The following ATP2B2 variants were observed in gnomAD, a reference collection of about 807,000 sequenced individuals.
ATP2B2 encodes plasma membrane calcium-transporting ATPase 2.
Under a neutral mutation model 120.0 loss-of-function variants are expected in ATP2B2, and 15 were observed. The observed-to-expected ratio is 0.12, with a 90% CI of 0.08 to 0.19. The LOEUF (loss-of-function observed/expected upper bound fraction) is 0.19, where lower values mean the gene tolerates loss of function less well. Among genes scored for constraint, ATP2B2 ranks in the 10% least tolerant of loss-of-function variants. The pLI is 1.00. For missense variants in ATP2B2, 1,045 were observed against 1,719.8 expected, an observed-to-expected ratio of 0.61 and a Z score of 6.94; for synonymous variants, 694 against 700.3, an observed-to-expected ratio of 0.99 and a Z score of 0.14.
chr3:10,498,446 G>A (rs1340547708), intron 1 of ATP2B2, among the ~76,000 whole-genome samples: 2 of 152,254 alleles, frequency 1.3e-5, no homozygotes, highest in Non-Finnish European at 2.9e-5. Flanking sequence ...GCCTCACTCA[G>A]CGTGGATGCC....
Position 10,496,800 on chromosome 3 carries a change from A to C in ATP2B2, c.-320+8665T>G, listed in dbSNP as rs1334914006. ...GGCTTGTTTCAAAGATGGGAAACTG[A>C]TGCTCAGAAAGAGACTGTGACTTGT... is the stretch of plus-strand genomic sequence containing the variant. On this transcript the variant is annotated intron_variant, in intron 1 of 22. Transcript: ENST00000360273. 2.6e-5 allele frequency among the ~76,000 whole-genome samples: 4 copies of C among 152,296 alleles called. No homozygotes were observed. The East Asian group carries it at 7.7e-4, about 29-fold the overall frequency.
chr3:10,679,741 C>G (rs533117029), intron 1 of ATP2B2, among the ~76,000 whole-genome samples: 1 of 152,276 alleles, frequency 6.6e-6, no homozygotes, highest in Non-Finnish European at 1.5e-5. Flanking sequence ...TGTGAATATG[C>G]ACTCAAACAA....
intron 12 of ATP2B2, 37 bp from the exon 13 acceptor site, chr3:10,360,160 G>A (rs747869361): frequency 6.5e-7 from 1 of 1,549,478 alleles, no homozygotes; most frequent in South Asian, 1.2e-5. Flanking sequence ...CACCTGGTGG[G>A]GCCTGTGTCG....
chr3:10,340,394 C>T lies in ATP2B2; in HGVS notation c.3130-45G>A. The T allele has an allele frequency of 1.9e-6, 3 of 1,610,430 alleles. No individual in the cohort carries two copies. The highest frequency in any genetic ancestry group is 2.5e-6 in the Non-Finnish European group (3 of 1,176,720). ...AGAGAAAGAGAGAGAGAGAGGCCAT[C>T]AGGGACCAGCACAGAGGGCTGGGCT... On this transcript the variant is annotated intron_variant, in intron 20 of 22. Coordinates refer to ENST00000360273, the MANE Select transcript of ATP2B2 (RefSeq NM_001001331.4). The surrounding 1 kb of genome is among the most constrained non-coding windows in gnomAD (Gnocchi z 5.0).
At chr3:10,554,874 G>A (rs990525493) in intron 2 of ATP2B2, among the ~76,000 whole-genome samples, 1 of 152,198 alleles carries the variant, frequency 6.6e-6, no homozygotes, top group African/African-American at 2.4e-5. Flanking sequence ...AGGCACCTCT[G>A]GGTGTGGGTC....
intron 1 of ATP2B2, among the ~76,000 whole-genome samples, chr3:10,698,165 C>T (rs929407621): frequency 5.9e-5 from 9 of 152,300 alleles, no homozygotes; most frequent in African/African-American, 2.2e-4. Flanking sequence ...GGCATGGCCA[C>T]GTGACCCAAT....
At chr3:10,579,967 G>T (rs1328746211) in intron 2 of ATP2B2, among the ~76,000 whole-genome samples, 3 of 152,196 alleles carry the variant, frequency 2.0e-5, no homozygotes, top group African/African-American at 7.2e-5. Flanking sequence ...GCAGGTGGAA[G>T]TTCTGAGCAC....
intron 1 of ATP2B2, among the ~76,000 whole-genome samples, chr3:10,481,338 C>T (rs555680338): frequency 1.3e-5 from 2 of 151,862 alleles, no homozygotes; most frequent in African/African-American, 4.8e-5. Context: ...CTGCGGCACA[C>T]CAGCATACTC....
rs114975938 is a variant in ATP2B2, at chr3:10,391,528, T to C, written c.782-3126A>G. Among the ~76,000 whole-genome samples, 978 of 152,098 alleles carry C rather than the reference T, an allele frequency of 6.4e-3. 15 individuals carry two copies. The highest frequency in any genetic ancestry group is 0.022 in the African/African-American group (897 of 41,494). ...CCAAATCACCTTCTAATCTAATCAC[T>C]CCCATCGCAGCAGGGAGCTGGCAGC... is the stretch of plus-strand genomic sequence containing the variant. On this transcript the variant is annotated intron_variant, in intron 5 of 22. Transcript: ENST00000360273.
chr3:10,456,139 T>A (rs929870153), intron 1 of ATP2B2, among the ~76,000 whole-genome samples: 1 of 152,140 alleles, frequency 6.6e-6, no homozygotes, highest in Non-Finnish European at 1.5e-5. Flanking sequence ...AAGGAATCTA[T>A]CTTTCGAAGG....
At chr3:10,536,810 G>C (rs2067327640) in intron 2 of ATP2B2, among the ~76,000 whole-genome samples, 2 of 152,294 alleles carry the variant, frequency 1.3e-5, no homozygotes, top group African/African-American at 4.8e-5. Context: ...TTACAGGCCT[G>C]AGCCACCACA....
At chr3:10,486,585 C>G (rs1403790021) in intron 1 of ATP2B2, among the ~76,000 whole-genome samples, 1 of 152,132 alleles carries the variant, frequency 6.6e-6, no homozygotes. Context: ...TGGGACTGCT[C>G]TTCCCCAGAT....
Position 10,342,767 on chromosome 3 carries a change from T to C in ATP2B2, c.2902A>G (p.Thr968Ala). 1 of 1,613,602 alleles carries C rather than the reference T, an allele frequency of 6.2e-7. No individual in the cohort carries two copies. Among genetic ancestry groups the C allele is most frequent in the Non-Finnish European group, 8.5e-7 (1 of 1,179,910 alleles). The stretch of plus-strand genomic sequence containing the variant: ...AGGCGCTCACCAACAAAGAGCAGGG[T>C]GAAGATGAGGGCAAGCTGGTAGACA... The part of the protein sequence containing the change: ...HAVYQLALIF[T>A]LLFVGEKMFQ... The change falls in exon 19 of 23, where the codon ACC becomes GCC. Residue 968 changes from threonine (T) to alanine (A), a missense_variant. Coordinates refer to ENST00000360273, the MANE Select transcript of ATP2B2 (RefSeq NM_001001331.4). This position sits in a 1 kb window ranked among gnomAD's most constrained non-coding sequence, Gnocchi z 4.4.
chr3:10,625,261 A>G (rs992627084), intron 1 of ATP2B2, among the ~76,000 whole-genome samples: 12 of 152,050 alleles, frequency 7.9e-5, no homozygotes, highest in African/African-American at 2.9e-4. Flanking sequence ...TCCTGATTAT[A>G]CTTGATAGTG....
intron 3 of ATP2B2, among the ~76,000 whole-genome samples, chr3:10,512,464 G>GCGTGCGCACACA: frequency 7.3e-6 from 1 of 136,926 alleles, no homozygotes; most frequent in African/African-American, 2.9e-5. Flanking sequence ...AAGTGTGTGC[G>GCGTGCGCACACA]CACACACACA....
intron 14 of ATP2B2, among the ~76,000 whole-genome samples, chr3:10,356,964 T>TGAGAGAGAGAGAGA (rs4040764): frequency 2.1e-5 from 3 of 144,458 alleles, no homozygotes; most frequent in Admixed American, 6.9e-5. Context: ...TGTGTGTGTA[T>TGAGAGAGAGAGAGA]GAGAGAGAGA....
intron 1 of ATP2B2, among the ~76,000 whole-genome samples, chr3:10,653,670 C>T (rs1039590525): frequency 6.6e-6 from 1 of 152,194 alleles, no homozygotes; most frequent in Non-Finnish European, 1.5e-5. Flanking sequence ...ATACTGAGCT[C>T]CCATGATTAC....
At chr3:10,639,998 T>C (rs1325303190) in intron 1 of ATP2B2, among the ~76,000 whole-genome samples, 3 of 152,154 alleles carry the variant, frequency 2.0e-5, no homozygotes, top group Non-Finnish European at 4.4e-5. Context: ...TCTTGGGTAC[T>C]ATTGGTGTTT....
At chr3:10,420,274 G>C (rs1489732284) in intron 2 of ATP2B2, among the ~76,000 whole-genome samples, 2 of 152,236 alleles carry the variant, frequency 1.3e-5, no homozygotes, top group Non-Finnish European at 2.9e-5. Context: ...AAATGGGACA[G>C]CGGATCTAGG....
Sources: allele counts gnomAD v4.1 joint callset (sites outside exome capture counted in the v4.1 genomes callset), GRCh38; gene constraint gnomAD v4.1.1; non-coding constraint Gnocchi (gnomAD v3.1); transcripts MANE v1.5; gene names NCBI Gene and HGNC (gene_info 2026-07-23, HGNC 2026-07-21).